The following ABCC9 variants were observed in gnomAD, a reference collection of about 807,000 sequenced individuals.
ABCC9 encodes ATP binding cassette subfamily C member 9.
ABCC9 carries 95 observed loss-of-function variants against 188.3 expected under a neutral mutation model. The observed-to-expected ratio is 0.50, with a 90% confidence interval of 0.43 to 0.60. ABCC9 has a LOEUF of 0.60. Among genes scored for constraint, ABCC9 ranks in the 20% least tolerant of loss-of-function variants. The pLI is 0.00. For missense variants in ABCC9, 1,102 were observed against 1,876.3 expected (o/e 0.59, Z 7.62); for synonymous variants, 659 against 652.7 (o/e 1.01, Z -0.15).
intron 5 of ABCC9, among the ~76,000 whole-genome samples, chr12:21,921,031 T>C (rs1408329721): frequency 6.6e-6 from 1 of 152,082 alleles, no homozygotes; most frequent in Non-Finnish European, 1.5e-5. Context: ...GCAATAAACA[T>C]GGGAGTGCAG....
In ABCC9 at chr12:21,906,176, A is replaced by G. The variant is rs1479124231; in HGVS notation, c.1568T>C (p.Met523Thr). Residue 523 changes from methionine to threonine, a missense_variant, in exon 12 of 40, where the codon ATG becomes ACG. By Grantham distance (81) the Met-to-Thr change is moderately conservative. This residue lies in a region of ABCC9 where 258 missense variants were observed against 325.6 expected (regional missense o/e 0.79). Coordinates refer to ENST00000261200, the MANE Select transcript of ABCC9 (RefSeq NM_020297.4). ...GGTTTTGAGACTAGATAGTTCTTTC[A>G]TTCTTGTTTCCTCCACACTTTTGCA... ...IFCKSVEETR[M>T]KELSSLKTFA... is the part of the protein sequence containing the mutation. 1 of 1,613,300 alleles carries G rather than the reference A, an allele frequency of 6.2e-7. No individual in the cohort carries two copies. Among genetic ancestry groups the G allele is most frequent in the South Asian group, 1.1e-5 (1 of 91,066 alleles).
At position 21,906,115 on chromosome 12, in the gene ABCC9, C is replaced by T. The variant is rs1365370411; in HGVS notation, c.1618+11G>A. 1.9e-6 allele frequency: 3 copies of T among 1,612,570 alleles called. No homozygotes were observed. The highest frequency in any genetic ancestry group is 2.2e-5 in the East Asian group (1 of 44,834). ...TTAAAGTCGCCTGTTCTTAGAGCAA[C>T]AGCAACTTACTGGAGAGTGATGTAT... is the stretch of plus-strand genomic sequence containing the variant. On this transcript the variant is annotated intron_variant, in intron 12 of 39. Coordinates refer to ENST00000261200, the MANE Select transcript of ABCC9 (RefSeq NM_020297.4).
intron 31 of ABCC9, among the ~76,000 whole-genome samples, chr12:21,824,734 C>T (rs769861199): frequency 1.3e-5 from 2 of 152,050 alleles, no homozygotes; most frequent in African/African-American, 2.4e-5. Context: ...GTGTGTGTGT[C>T]CAGAAATTTA....
In ABCC9 at chr12:21,872,719, T is replaced by C; in HGVS notation, c.2104A>G (p.Met702Val). 1 of 1,613,338 alleles carries C rather than the reference T, an allele frequency of 6.2e-7. No individual in the cohort carries two copies. The highest frequency in any genetic ancestry group is 1.3e-5 in the African/African-American group (1 of 75,008). ...DIRIPTGQLTMIVGQVGCGKS... is the reference protein window; with the variant it reads ...DIRIPTGQLTVIVGQVGCGKS... ...CCACATCCTACTTGGCCCACAATCA[T>C]GGTTAACTGACCTAGGAAAGCAAAA... is the stretch of plus-strand genomic sequence containing the variant. Residue 702 changes from methionine (M) to valine (V), a missense_variant, in exon 18 of 40, where the codon ATG (methionine) becomes GTG (valine). By Grantham distance (21) the Met-to-Val change is conservative. Coordinates refer to ENST00000261200, the MANE Select transcript of ABCC9 (RefSeq NM_020297.4).
chr12:21,916,329 C>T (rs1337016930), intron 6 of ABCC9, among the ~76,000 whole-genome samples: 3 of 152,120 alleles, frequency 2.0e-5, no homozygotes, highest in Non-Finnish European at 4.4e-5. Context: ...TGCATTGCAG[C>T]ATATATCTTT....
At chr12:21,830,336 G>C (rs746331721) in intron 30 of ABCC9, among the ~76,000 whole-genome samples, 2 of 152,074 alleles carry the variant, frequency 1.3e-5, no homozygotes, top group African/African-American at 4.8e-5. Context: ...AAAAATAACT[G>C]GTTTGAAGGT....
intron 22 of ABCC9, among the ~76,000 whole-genome samples, chr12:21,853,820 G>A (rs778166657): frequency 6.6e-6 from 1 of 152,162 alleles, no homozygotes; most frequent in African/African-American, 2.4e-5. Context: ...AAGGACCAGG[G>A]ATGGCAGGGA....
intron 19 of ABCC9, among the ~76,000 whole-genome samples, chr12:21,863,595 C>A (rs760542803): frequency 6.6e-6 from 1 of 152,072 alleles, no homozygotes; most frequent in Non-Finnish European, 1.5e-5. Flanking sequence ...TGAAATCGTG[C>A]ATGTAAAAAC....
intron 4 of ABCC9, among the ~76,000 whole-genome samples, chr12:21,928,549 G>A (rs1425813958): frequency 6.6e-6 from 1 of 152,066 alleles, no homozygotes; most frequent in African/African-American, 2.4e-5. Flanking sequence ...ATCCAATCCT[G>A]TAAAATGTGG....
chr12:21,810,092 A>G lies in ABCC9; in HGVS notation c.4212-137T>C, dbSNP rs1007569387. On this transcript the variant is annotated intron_variant, in intron 36 of 39. Coordinates refer to ENST00000261200, the MANE Select transcript of ABCC9 (RefSeq NM_020297.4). ...CTGCTGTATATTCAGCACCTAGAAC[A>G]GTGCCCAGAGCAGTGCAAGCACTGA... The G allele has an allele frequency of 1.4e-5, 9 of 656,212 alleles. No individual in the cohort carries two copies. The Admixed American group carries it at 2.1e-4, about 15-fold the overall frequency. 40.6% of individuals were successfully genotyped at this position (656,212 alleles called of 1,614,324 possible).
At chr12:21,891,873 C>G (rs704213) in intron 14 of ABCC9, among the ~76,000 whole-genome samples, 151,822 of 152,304 alleles carry the variant, frequency 1, 75,672 homozygotes, top group Middle Eastern at 1. Flanking sequence ...TTGGTCACGG[C>G]TTCCCAGGCA....
intron 15 of ABCC9, among the ~76,000 whole-genome samples, chr12:21,884,670 A>G (rs1946786733): frequency 1.3e-5 from 2 of 152,208 alleles, no homozygotes; most frequent in South Asian, 4.1e-4. Context: ...CAAATAGTAC[A>G]TTGCTAGGCT....
intron 10 of ABCC9, among the ~76,000 whole-genome samples, chr12:21,909,486 G>A (rs933633208): frequency 2.6e-5 from 4 of 151,864 alleles, no homozygotes; most frequent in African/African-American, 7.2e-5. Context: ...GGAAAAAACT[G>A]AGTATATTTC....
intron 31 of ABCC9, among the ~76,000 whole-genome samples, chr12:21,826,686 G>A (rs1257673761): frequency 6.6e-6 from 1 of 152,136 alleles, no homozygotes; most frequent in Non-Finnish European, 1.5e-5. Context: ...GTGTGCGTGT[G>A]TACACGTGTT....
At chr12:21,856,015 A>G (rs1278974370) in intron 22 of ABCC9, among the ~76,000 whole-genome samples, 1 of 152,170 alleles carries the variant, frequency 6.6e-6, no homozygotes, top group African/African-American at 2.4e-5. Flanking sequence ...TAATAACAAT[A>G]ATAATAGTAA....
In ABCC9 at chr12:21,913,179, G is replaced by T. The variant is rs569978838; in HGVS notation, c.817-113C>A. 12 of 946,284 alleles carry T rather than the reference G, an allele frequency of 1.3e-5. No individual in the cohort carries two copies. The East Asian group carries it at 1.3e-4, about 10-fold the overall frequency. 58.6% of individuals were successfully genotyped at this position (946,284 alleles called of 1,614,324 possible). A position where few individuals can be genotyped will look rare whatever the true frequency, so the allele number is the denominator to read the frequency against. ...CTTATACTTCAAAAATACTTTAAGG[G>T]TTTAAAAATTGATGTTAATGTGTGC... On this transcript the variant is annotated intron_variant, in intron 7 of 39. Transcript: ENST00000261200.
intron 22 of ABCC9, among the ~76,000 whole-genome samples, chr12:21,855,942 T>G (rs1945205158): frequency 6.6e-6 from 1 of 152,164 alleles, no homozygotes; most frequent in Non-Finnish European, 1.5e-5. Flanking sequence ...TCACTGTTAC[T>G]ATCTGTGTGA....
At chr12:21,854,032 G>A (rs567591073) in intron 22 of ABCC9, among the ~76,000 whole-genome samples, 11 of 152,272 alleles carry the variant, frequency 7.2e-5, no homozygotes, top group Non-Finnish European at 1.3e-4. Context: ...AAGAAAGAAG[G>A]AGCTGGTTTC....
intron 3 of ABCC9, among the ~76,000 whole-genome samples, 196 bp from the exon 4 acceptor site, chr12:21,934,119 C>G (rs1395124829): frequency 2.0e-5 from 3 of 152,062 alleles, no homozygotes; most frequent in African/African-American, 4.8e-5. Flanking sequence ...TACAAGACTA[C>G]TCAGGCTAAC....
Sources: gnomAD v4.1 joint callset for allele counts (sites outside exome capture counted in the v4.1 genomes callset) on GRCh38, gnomAD v4.1.1 for gene constraint, gnomAD v4.1.1 regional missense constraint, MANE v1.5 for transcripts, NCBI Gene and HGNC (gene_info 2026-07-23, HGNC 2026-07-21) for gene names.